SLC25A53: variants seen among roughly 807,000 people sequenced by gnomAD.
SLC25A53 encodes solute carrier family 25 member 53.
Under a neutral mutation model 15.0 loss-of-function variants are expected in SLC25A53, and 5 were observed. That is an observed-to-expected ratio of 0.33 (90% CI 0.17 to 0.70). SLC25A53 has a LOEUF of 0.70. Among genes scored for constraint, SLC25A53 ranks in the 30% least tolerant of loss-of-function variants. The pLI, the probability that SLC25A53 is intolerant of heterozygous loss-of-function variation, is 0.67. For synonymous variants in SLC25A53, 95 were observed against 100.0 expected (o/e 0.95, Z 0.30); for missense variants, 216 against 241.6 (o/e 0.89, Z 0.70).
rs34662574 is a variant in SLC25A53, at chrX:104,124,839, C to CTTT, written c.-31-19554_-31-19552dup. ...CAACTAAAAAGAAATAACTTTTTTC[C>CTTT]TTTTTTTTTTTTTTTTTTTTTTTGA... On this transcript the variant is annotated intron_variant, in intron 1 of 1. Coordinates refer to ENST00000594199, the MANE Select transcript of SLC25A53 (RefSeq NM_001012755.5). Among the ~76,000 whole-genome samples, 292 of 62,195 alleles carry CTTT rather than the reference C, an allele frequency of 4.7e-3. 1 individual carries two copies. Among genetic ancestry groups the CTTT allele is most frequent in the East Asian group, 0.013 (21 of 1,564 alleles). The allele number at this position is 62,195 out of a possible 115,157, so 54.0% of individuals were successfully genotyped here. A position where few individuals can be genotyped will look rare whatever the true frequency, so the allele number is the denominator to read the frequency against.
chrX:104,144,293 ACAAGACTGGCAAATTGGATAAAGAGC>A (rs1477793498), intron 1 of SLC25A53, among the ~76,000 whole-genome samples: 2 of 112,273 alleles, frequency 1.8e-5, no homozygotes, highest in Non-Finnish European at 3.8e-5. Context: ...AAATTAAAAG[ACAAGACTGGCAAATTGGATAAAGAGC>A]CAAGACCCAT....
intron 1 of SLC25A53, among the ~76,000 whole-genome samples, chrX:104,109,948 C>T (rs1184919740): frequency 1.0e-5 from 1 of 98,465 alleles, no homozygotes; most frequent in African/African-American, 3.6e-5. Context: ...TCATTAGAGG[C>T]ATCAGTTGGA....
chrX:104,116,187 A>G (rs2147870049), intron 1 of SLC25A53, among the ~76,000 whole-genome samples: 2 of 110,930 alleles, frequency 1.8e-5, no homozygotes, highest in East Asian at 2.8e-4. Flanking sequence ...GGAAGGGACA[A>G]CTACTCCTGC....
intron 1 of SLC25A53, chrX:104,115,509 T>G: frequency 2.4e-6 from 1 of 419,382 alleles, no homozygotes; most frequent in African/African-American, 2.4e-5. Context: ...GTCCCTGCTC[T>G]CTTCTCTGCT....
At chrX:104,116,616 C>T (rs782782928) in intron 1 of SLC25A53, among the ~76,000 whole-genome samples, 2 of 111,342 alleles carry the variant, frequency 1.8e-5, no homozygotes, top group South Asian at 7.6e-4. Flanking sequence ...ACACAGAACC[C>T]TGGGCTATGT....
intron 1 of SLC25A53, among the ~76,000 whole-genome samples, chrX:104,123,721 C>T (rs2075402034): frequency 9.1e-6 from 1 of 110,376 alleles, no homozygotes; most frequent in Non-Finnish European, 1.9e-5. Flanking sequence ...TAGCCCCCTA[C>T]CCCTCAACAG....
At chrX:104,145,767 A>T (rs12851999) in intron 1 of SLC25A53, among the ~76,000 whole-genome samples, 29,168 of 111,205 alleles carry the variant, frequency 0.26, 3,417 homozygotes, top group East Asian at 0.55. Context: ...AGGAAGAAGT[A>T]GAATCTCTGA....
chrX:104,124,839 CTTTTTT>C (rs34662574), intron 1 of SLC25A53, among the ~76,000 whole-genome samples: 1 of 62,275 alleles, frequency 1.6e-5, no homozygotes, highest in African/African-American at 5.5e-5. Flanking sequence ...AACTTTTTTC[CTTTTTT>C]TTTTTTTTTT....
intron 1 of SLC25A53, among the ~76,000 whole-genome samples, chrX:104,135,798 C>T (rs1461259445): frequency 1.8e-5 from 2 of 112,106 alleles, no homozygotes; most frequent in Non-Finnish European, 3.8e-5. Flanking sequence ...CTACTATGTA[C>T]TGGAGCCTAT....
intron 1 of SLC25A53, among the ~76,000 whole-genome samples, chrX:104,108,458 C>T (rs192495940): frequency 2.7e-5 from 3 of 111,242 alleles, no homozygotes; most frequent in East Asian, 2.8e-4. Flanking sequence ...TGGATGCTCT[C>T]GGGACAGCCA....
chrX:104,125,663 A>T (rs1471384481), intron 1 of SLC25A53, among the ~76,000 whole-genome samples: 1 of 111,603 alleles, frequency 9.0e-6, no homozygotes, highest in Non-Finnish European at 1.9e-5. Context: ...AGTTAAGGAG[A>T]AAAGCACATA....
chrX:104,144,318 G>A (rs782407109), intron 1 of SLC25A53, among the ~76,000 whole-genome samples: 157 of 112,040 alleles, frequency 1.4e-3, no homozygotes, highest in Non-Finnish European at 2.6e-3. Flanking sequence ...TGGATAAAGA[G>A]CCAAGACCCA....
intron 1 of SLC25A53, chrX:104,114,883 A>G: frequency 2.5e-6 from 3 of 1,206,142 alleles, no homozygotes; most frequent in African/African-American, 1.7e-5. Flanking sequence ...AGCAATCAGC[A>G]GTGCTGACTG....
chrX:104,136,910 C>T (rs985605201), intron 1 of SLC25A53, among the ~76,000 whole-genome samples: 8 of 111,739 alleles, frequency 7.2e-5, no homozygotes, highest in African/African-American at 2.6e-4. Context: ...AACCAGTTGA[C>T]CATGTAAAGA....
intron 1 of SLC25A53, among the ~76,000 whole-genome samples, chrX:104,141,177 TA>T (rs2147877961): frequency 8.9e-6 from 1 of 111,955 alleles, no homozygotes; most frequent in South Asian, 3.7e-4. Context: ...AACTGAATCT[TA>T]GCAAGAACAC....
At chrX:104,153,668 A>G (rs2075492314) in intron 1 of SLC25A53, among the ~76,000 whole-genome samples, 2 of 112,226 alleles carry the variant, frequency 1.8e-5, no homozygotes, top group Non-Finnish European at 3.8e-5. Flanking sequence ...CAACTACTTG[A>G]ATATATAAAA....
At chrX:104,145,346 A>G (rs2075463041) in intron 1 of SLC25A53, among the ~76,000 whole-genome samples, 1 of 112,403 alleles carries the variant, frequency 8.9e-6, no homozygotes, top group South Asian at 3.6e-4. Flanking sequence ...CTAAATGCCC[A>G]CAAGAGAAAG....
intron 1 of SLC25A53, among the ~76,000 whole-genome samples, chrX:104,141,701 C>T (rs1232284944): frequency 9.0e-6 from 1 of 111,384 alleles, no homozygotes; most frequent in Non-Finnish European, 1.9e-5. Flanking sequence ...GATCCTCCCA[C>T]CTCAGCCTCC....
Position 104,105,275 on chromosome X carries a change from G to A in SLC25A53, c.-18C>T, listed in dbSNP as rs1389185031. On this transcript the variant is annotated 5_prime_UTR_variant, in exon 2 of 2. Coordinates refer to ENST00000594199, the MANE Select transcript of SLC25A53 (RefSeq NM_001012755.5). ...TCCCCCATGCTGAAGACAACTGGGTGCAGATGGAAGAAACTGGCAAGGGTG... is the reference window on the plus strand; with the variant it reads ...TCCCCCATGCTGAAGACAACTGGGTACAGATGGAAGAAACTGGCAAGGGTG... The A allele has an allele frequency of 1.7e-6, 2 of 1,162,541 alleles. No individual in the cohort carries two copies. Among genetic ancestry groups the A allele is most frequent in the Admixed American group, 2.5e-5 (1 of 39,819 alleles).
Sources: allele counts gnomAD v4.1 joint callset (sites outside exome capture counted in the v4.1 genomes callset), GRCh38; gene constraint gnomAD v4.1.1; transcripts MANE v1.5; gene names NCBI Gene and HGNC (gene_info 2026-07-23, HGNC 2026-07-21).